Variants in NELL1 observed in about 807,000 individuals in gnomAD.
NELL1 encodes the protein protein kinase C-binding protein NELL1.
In NELL1, 76 loss-of-function variants were observed where a neutral mutation model predicts 107.4. That is an observed-to-expected ratio of 0.71 (90% CI 0.59 to 0.86). The LOEUF (loss-of-function observed/expected upper bound fraction) is 0.86, where lower values mean the gene tolerates loss of function less well. Ranked by LOEUF, NELL1 falls within the 40% of genes least tolerant of loss-of-function variation. The probability of loss-of-function intolerance (pLI) is 0.00; values close to 1 mark genes in which losing one functional copy is unlikely to be tolerated. For synonymous variants in NELL1, 353 were observed against 341.2 expected (o/e 1.03, Z -0.38); for missense variants, 1,024 against 1,005.5 (o/e 1.02, Z -0.25).
intron 2 of NELL1, among the ~76,000 whole-genome samples, chr11:20,756,093 C>T (rs1443573471): frequency 1.3e-5 from 2 of 150,286 alleles, no homozygotes; most frequent in Non-Finnish European, 3.0e-5. Flanking sequence ...GGGGTTTCAC[C>T]GTGGTCTCGA....
chr11:20,774,155 TCCCTCCCTCTCCCCTC>T, intron 2 of NELL1, among the ~76,000 whole-genome samples: 1 of 68,638 alleles, frequency 1.5e-5, no homozygotes, highest in Non-Finnish European at 2.8e-5. Flanking sequence ...CTTTCCTCCA[TCCCTCCCTCTCCCCTC>T]CCCTCCCATC....
intron 14 of NELL1, among the ~76,000 whole-genome samples, chr11:21,339,667 T>C (rs1271161558): frequency 6.6e-6 from 1 of 152,200 alleles, no homozygotes; most frequent in East Asian, 1.9e-4. Flanking sequence ...CTTGCTCTGT[T>C]TCCTGGCTGG....
At chr11:20,710,530 G>A (rs1017646947) in intron 2 of NELL1, among the ~76,000 whole-genome samples, 1 of 152,092 alleles carries the variant, frequency 6.6e-6, no homozygotes, top group African/African-American at 2.4e-5. Flanking sequence ...TCCTTTCCTG[G>A]TTTTGGTATT....
At chr11:21,253,702 A>C (rs1858696219) in intron 14 of NELL1, among the ~76,000 whole-genome samples, 1 of 152,156 alleles carries the variant, frequency 6.6e-6, no homozygotes, top group Admixed American at 6.6e-5. Context: ...GGGATAGAAC[A>C]TGTGATCATT....
At chr11:21,173,589 C>T (rs1856651868) in intron 13 of NELL1, among the ~76,000 whole-genome samples, 1 of 151,796 alleles carries the variant, frequency 6.6e-6, no homozygotes, top group South Asian at 2.1e-4. Context: ...TATTTGAGAG[C>T]AAACTAGGTA....
chr11:20,708,957 A>G (rs1855043870), intron 2 of NELL1, among the ~76,000 whole-genome samples: 1 of 151,990 alleles, frequency 6.6e-6, no homozygotes, highest in South Asian at 2.1e-4. Flanking sequence ...GGAGCACACA[A>G]CCTAGATTCC....
At chr11:21,412,667 C>G (rs543528254) in intron 15 of NELL1, among the ~76,000 whole-genome samples, 1 of 152,206 alleles carries the variant, frequency 6.6e-6, no homozygotes, top group South Asian at 2.1e-4. Flanking sequence ...TTACATCAGT[C>G]TCAGAGAAGT....
chr11:20,929,466 C>G (rs144245165), intron 9 of NELL1, among the ~76,000 whole-genome samples: 1 of 151,340 alleles, frequency 6.6e-6, no homozygotes, highest in African/African-American at 2.4e-5. Flanking sequence ...TGGCACACTG[C>G]ACCCATTGCT....
chr11:20,718,272 G>A (rs1156256670), intron 2 of NELL1, among the ~76,000 whole-genome samples: 2 of 152,154 alleles, frequency 1.3e-5, no homozygotes, highest in Admixed American at 1.3e-4. Context: ...AATGTGACTA[G>A]TGCAACTGAG....
In NELL1 at chr11:20,777,283, C is replaced by T. The variant is rs140532512; in HGVS notation, c.185-6397C>T. On this transcript the variant is annotated intron_variant, in intron 2 of 19. Coordinates refer to ENST00000357134, the MANE Select transcript of NELL1 (RefSeq NM_006157.5). ...ATGTCTTCTAAAGTTATTGTAAGTGCGATGACATGTGCAGGGCATTAGCCC... is the reference window on the plus strand; with the variant it reads ...ATGTCTTCTAAAGTTATTGTAAGTGTGATGACATGTGCAGGGCATTAGCCC... Among the ~76,000 whole-genome samples, 91 of 152,292 alleles carry T rather than the reference C, an allele frequency of 6.0e-4. No homozygotes were observed. The East Asian group carries it at 8.1e-3, about 14-fold the overall frequency.
rs368887314 is a variant in NELL1, at chr11:21,127,258, A to T, written c.1426+13544A>T. On this transcript the variant is annotated intron_variant, in intron 13 of 19. Transcript: ENST00000357134. ...AAAAAGGGTTTTTCTAGTTATAAAA[A>T]TAGTATATTAATACTATAGTAACAT... is the stretch of plus-strand genomic sequence containing the variant. Among the ~76,000 whole-genome samples the T allele has an allele frequency of 2.6e-5, 4 of 152,316 alleles. No individual in the cohort carries two copies. In the South Asian group the frequency reaches 6.2e-4, roughly 24 times the overall value.
intron 13 of NELL1, among the ~76,000 whole-genome samples, chr11:21,187,969 G>A (rs1856969284): frequency 1.3e-5 from 2 of 151,832 alleles, no homozygotes; most frequent in Admixed American, 6.6e-5. Flanking sequence ...GCAGGTAATT[G>A]ATGATACCTG....
At chr11:21,083,864 G>T (rs956730554) in intron 12 of NELL1, among the ~76,000 whole-genome samples, 2 of 152,120 alleles carry the variant, frequency 1.3e-5, no homozygotes, top group African/African-American at 4.8e-5. Context: ...AAATGAAAAT[G>T]CACTATTATG....
intron 15 of NELL1, among the ~76,000 whole-genome samples, chr11:21,518,055 C>T (rs1855616197): frequency 6.6e-6 from 1 of 150,892 alleles, no homozygotes; most frequent in South Asian, 2.1e-4. Flanking sequence ...CATAAATGCT[C>T]TTTGGGAATC....
At chr11:20,881,917 T>C (rs901723100) in intron 4 of NELL1, among the ~76,000 whole-genome samples, 1 of 152,226 alleles carries the variant, frequency 6.6e-6, no homozygotes, top group Non-Finnish European at 1.5e-5. Flanking sequence ...TTTGCTGATG[T>C]GAAGGAAACC....
intron 2 of NELL1, among the ~76,000 whole-genome samples, chr11:20,753,113 A>C (rs1331085497): frequency 6.6e-6 from 1 of 152,188 alleles, no homozygotes; most frequent in African/African-American, 2.4e-5. Context: ...AATGTGCTTT[A>C]AACAATTTCT....
At chr11:21,257,317 C>G (rs1277685743) in intron 14 of NELL1, among the ~76,000 whole-genome samples, 1 of 151,990 alleles carries the variant, frequency 6.6e-6, no homozygotes, top group African/African-American at 2.4e-5. Flanking sequence ...AGCTCCTCAT[C>G]TATTTCAAGG....
At chr11:21,197,764 GAACA>G (rs1386251751) in intron 13 of NELL1, among the ~76,000 whole-genome samples, 8 of 152,108 alleles carry the variant, frequency 5.3e-5, no homozygotes, top group Non-Finnish European at 1.0e-4. Context: ...TGTCTCAGAG[GAACA>G]AACAGAGAGT....
chr11:20,680,079 G>A (rs1854152717), intron 2 of NELL1, among the ~76,000 whole-genome samples: 1 of 152,128 alleles, frequency 6.6e-6, no homozygotes, highest in Non-Finnish European at 1.5e-5. Flanking sequence ...CTTTGACAGA[G>A]AAGGCCTTTC....
Sources: gnomAD v4.1 joint callset for allele counts (sites outside exome capture counted in the v4.1 genomes callset) on GRCh38, gnomAD v4.1.1 for gene constraint, MANE v1.5 for transcripts, NCBI Gene and HGNC (gene_info 2026-07-23, HGNC 2026-07-21) for gene names.